KLHL20: variants seen among roughly 807,000 people sequenced by gnomAD.
KLHL20 encodes kelch-like protein 20.
A neutral mutation model predicts 69.5 loss-of-function variants in KLHL20; 29 were observed. The observed-to-expected ratio is 0.42, with a 90% CI of 0.31 to 0.57. The LOEUF (loss-of-function observed/expected upper bound fraction) is 0.57. Among genes scored for constraint, KLHL20 ranks in the 20% least tolerant of loss-of-function variants. KLHL20 has a pLI of 0.18. For synonymous variants in KLHL20, 253 were observed against 265.2 expected (o/e 0.95, Z 0.45); for missense variants, 419 against 776.0 (o/e 0.54, Z 5.47).
At chr1:173,742,002 G>A (rs1439706499) in intron 3 of KLHL20, 4 of 558,536 alleles carry the variant, frequency 7.2e-6, no homozygotes, top group Non-Finnish European at 9.4e-6. Context: ...ATTGTAACTT[G>A]TATCATAGAC....
At chr1:173,742,717 CAT>C (rs1014578879) in intron 3 of KLHL20, among the ~76,000 whole-genome samples, 3 of 149,872 alleles carry the variant, frequency 2.0e-5, no homozygotes, top group Non-Finnish European at 4.4e-5. Flanking sequence ...CATATGTACA[CAT>C]GTATGTATAT....
chr1:173,782,260 T>G (rs138832923), intron 11 of KLHL20, 30 bp downstream of exon 11: 5 of 1,485,636 alleles, frequency 3.4e-6, no homozygotes, highest in Non-Finnish European at 4.7e-6. Context: ...GCAAATCACC[T>G]CACTACTGAT....
At chr1:173,767,187 T>C (rs1647787995) in intron 8 of KLHL20, among the ~76,000 whole-genome samples, 2 of 152,196 alleles carry the variant, frequency 1.3e-5, no homozygotes, top group Admixed American at 1.3e-4. Flanking sequence ...TCACTTAATG[T>C]CCTCCAGGTT....
rs190179216 is a variant in KLHL20 at position 173,738,360 on chromosome 1, C to T, written c.597+4074C>T. 2.6e-4 allele frequency among the ~76,000 whole-genome samples: 39 copies of T among 152,126 alleles called. No homozygotes were observed. In the South Asian group the frequency reaches 7.1e-3, roughly 28 times the overall value. ...ATTTTTGTATTTTTCTGTAGAGACACGGTTTTGCCATGTTGCCCAGGCTGG... is the reference window on the plus strand; with the variant it reads ...ATTTTTGTATTTTTCTGTAGAGACATGGTTTTGCCATGTTGCCCAGGCTGG... On this transcript the variant is annotated intron_variant, in intron 3 of 11. Transcript: ENST00000209884.
intron 9 of KLHL20, 54 bp from the exon 10 acceptor site, chr1:173,775,580 G>A: frequency 7.0e-7 from 1 of 1,436,820 alleles, no homozygotes; most frequent in Non-Finnish European, 9.7e-7. Flanking sequence ...AAGAAAACTG[G>A]AGGTGAGAGG....
intron 7 of KLHL20, among the ~76,000 whole-genome samples, chr1:173,764,891 TC>T (rs1647589989): frequency 6.6e-6 from 1 of 151,780 alleles, no homozygotes; most frequent in Admixed American, 6.6e-5. Context: ...AAAGAACACA[TC>T]CCAGTTTAAA....
chr1:173,733,724 T>C lies in KLHL20; in HGVS notation c.35T>C (p.Ile12Thr). 6.2e-7 allele frequency: 1 copy of C among 1,612,310 alleles called. No individual in the cohort carries two copies. Among genetic ancestry groups the C allele is most frequent in the Non-Finnish European group, 8.5e-7 (1 of 1,178,916 alleles). The change falls in exon 3 of 12, where the codon ATT becomes ACT. Residue 12 changes from isoleucine to threonine, a missense_variant. By Grantham distance (89) the Ile-to-Thr change is moderately conservative. Around this residue, in one of 6 missense-constraint regions of KLHL20, gnomAD observed 129 missense variants for 183.6 expected, o/e 0.70. Transcript: ENST00000209884. ...EGKPMRRCTN[I>T]RPGETGMDVT... The stretch of plus-strand genomic sequence containing the variant: ...CATCATTCCTATAGGTGTACCAACA[T>C]TCGACCAGGAGAGACTGGAATGGAT...
chr1:173,716,118 T>C (rs1417322923), intron 2 of KLHL20, 52 bp downstream of exon 2: 1 of 1,567,804 alleles, frequency 6.4e-7, no homozygotes, highest in South Asian at 1.1e-5. Context: ...ATTCAGCATG[T>C]AATAATTTAA....
Position 173,734,194 on chromosome 1 carries a change from A to G in KLHL20, c.505A>G (p.Asn169Asp). Residue 169 changes from asparagine (N) to aspartate (D), a missense_variant, in exon 3 of 12, where the codon AAC becomes GAC. Around this residue, in one of 6 missense-constraint regions of KLHL20, gnomAD observed 99 missense variants for 240.7 expected, o/e 0.41. Transcript: ENST00000209884. ...EFLKRQLDPS[N>D]CLGIRAFADT... ...CTTAAAGAGACAATTAGATCCTTCT[A>G]ACTGCCTGGGCATTCGGGCTTTTGC... 6.2e-7 allele frequency: 1 copy of G among 1,614,192 alleles called. No individual in the cohort carries two copies. The highest frequency in any genetic ancestry group is 8.5e-7 in the Non-Finnish European group (1 of 1,180,036).
chr1:173,756,849 T>G, intron 6 of KLHL20, 127 bp from the exon 7 acceptor site: 1 of 731,588 alleles, frequency 1.4e-6, no homozygotes, highest in South Asian at 2.2e-5. Flanking sequence ...AGTCATAACT[T>G]GCATTTTGAC....
intron 2 of KLHL20, among the ~76,000 whole-genome samples, chr1:173,717,461 G>A (rs1671522449): frequency 6.6e-6 from 1 of 152,122 alleles, no homozygotes; most frequent in South Asian, 2.1e-4. Context: ...ACTCACATTG[G>A]TCTCTGGTCT....
At chr1:173,729,059 A>C (rs1307691874) in intron 2 of KLHL20, among the ~76,000 whole-genome samples, 6 of 152,246 alleles carry the variant, frequency 3.9e-5, no homozygotes, top group Non-Finnish European at 8.8e-5. Flanking sequence ...CACCGATCCC[A>C]CAGAAATACA....
intron 8 of KLHL20, among the ~76,000 whole-genome samples, chr1:173,773,440 T>A (rs1052497339): frequency 1.3e-5 from 2 of 149,062 alleles, no homozygotes; most frequent in Non-Finnish European, 3.0e-5. Context: ...ATTAATTAAA[T>A]AAATAAATAT....
At chr1:173,758,604 C>T (rs559853587) in intron 7 of KLHL20, among the ~76,000 whole-genome samples, 2 of 152,328 alleles carry the variant, frequency 1.3e-5, no homozygotes, top group South Asian at 4.1e-4. Context: ...ACACACACCC[C>T]CACTGGAGAA....
At chr1:173,751,670 A>G (rs1673321168) in intron 3 of KLHL20, 94 bp from the exon 4 acceptor site, 1 of 1,224,130 alleles carries the variant, frequency 8.2e-7, no homozygotes, top group Non-Finnish European at 1.2e-6. Flanking sequence ...AGCGCATTGT[A>G]GAATACAGCT....
rs974643689 is a variant in KLHL20 at position 173,768,096 on chromosome 1, CTT to C, written c.1295+1808_1295+1809del. Among the ~76,000 whole-genome samples the C allele has an allele frequency of 1.3e-5, 2 of 152,096 alleles. 1 individual carries two copies. The highest frequency in any genetic ancestry group is 2.9e-5 in the Non-Finnish European group (2 of 68,010). Reference sequence around the variant, plus strand: ...GGAGTGTACTTAATGAATGACTCTACTTAGACTTCCCCCAGAGAAATGATTAC... The same window carrying C: ...GGAGTGTACTTAATGAATGACTCTACAGACTTCCCCCAGAGAAATGATTAC... On this transcript the variant is annotated intron_variant, in intron 8 of 11. Coordinates refer to ENST00000209884, the MANE Select transcript of KLHL20 (RefSeq NM_014458.4).
At chr1:173,719,526 G>A (rs900806955) in intron 2 of KLHL20, among the ~76,000 whole-genome samples, 1 of 152,124 alleles carries the variant, frequency 6.6e-6, no homozygotes, top group Admixed American at 6.5e-5. Context: ...GGCTGAGGCA[G>A]GAGAATCACT....
At chr1:173,736,418 A>G (rs148448224) in intron 3 of KLHL20, among the ~76,000 whole-genome samples, 1 of 152,118 alleles carries the variant, frequency 6.6e-6, no homozygotes, top group Non-Finnish European at 1.5e-5. Flanking sequence ...TTTTTCATAT[A>G]ATGACTTCTT....
intron 2 of KLHL20, among the ~76,000 whole-genome samples, chr1:173,731,596 T>A (rs1277618421): frequency 6.6e-6 from 1 of 151,824 alleles, no homozygotes; most frequent in African/African-American, 2.4e-5. Flanking sequence ...AAACCATCAT[T>A]CTCAGTAAAC....
Sources: allele counts gnomAD v4.1 joint callset (sites outside exome capture counted in the v4.1 genomes callset), GRCh38; gene constraint gnomAD v4.1.1; regional missense constraint gnomAD v4.1.1; transcripts MANE v1.5; gene names NCBI Gene and HGNC (gene_info 2026-07-23, HGNC 2026-07-21).